Variants in MARCHF6 observed in about 807,000 individuals in gnomAD.
MARCHF6 encodes the protein E3 ubiquitin-protein ligase MARCHF6.
Under a neutral mutation model 133.7 loss-of-function variants are expected in MARCHF6, and 31 were observed. That is an observed-to-expected ratio of 0.23 (90% CI 0.17 to 0.31). MARCHF6 has a LOEUF of 0.31. MARCHF6 is among the 10% of genes least tolerant of loss of function. MARCHF6 has a pLI of 1.00. For missense variants in MARCHF6, 723 were observed against 1,121.6 expected (o/e 0.64, Z 5.08); for synonymous variants, 395 against 402.5 (o/e 0.98, Z 0.22).
intron 1 of MARCHF6, among the ~76,000 whole-genome samples, chr5:10,364,479 C>G (rs1398910181): frequency 6.6e-6 from 1 of 152,162 alleles, no homozygotes; most frequent in Admixed American, 6.5e-5. Flanking sequence ...AGATATCCCT[C>G]CAGCACCCTC....
rs116788481 is a variant in MARCHF6 at position 10,387,049 on chromosome 5, A to G, written c.390A>G (p.Pro130=). The G allele has an allele frequency of 1.2e-3, 1,990 of 1,611,932 alleles. 21 individuals are homozygous for G. The African/African-American group carries it at 0.023, about 19-fold the overall frequency. The change falls in exon 5 of 26, where the codon CCA becomes CCG. Residue 130 remains proline, a synonymous_variant. Transcript: ENST00000274140. The part of the protein sequence containing the change: ...TGSVSSLLTL[P]LDMLSTENLL... ...CCGTGAGCTCACTACTGACGCTGCCATTAGATATGCTGTCAACGTGAGTAT... is the reference window on the plus strand; with the variant it reads ...CCGTGAGCTCACTACTGACGCTGCCGTTAGATATGCTGTCAACGTGAGTAT...
intron 14 of MARCHF6, 45 bp from the exon 15 acceptor site, chr5:10,403,362 A>T (rs1448607229): frequency 1.3e-6 from 2 of 1,577,344 alleles, no homozygotes; most frequent in Non-Finnish European, 8.6e-7. Context: ...AACTTGGCAA[A>T]TGTAGGGGGC....
chr5:10,361,759 A>T (rs1047272498), intron 1 of MARCHF6, among the ~76,000 whole-genome samples: 2 of 151,824 alleles, frequency 1.3e-5, no homozygotes, highest in Admixed American at 6.6e-5. Context: ...ACTTAACTTC[A>T]TTATAATATC....
intron 25 of MARCHF6, among the ~76,000 whole-genome samples, chr5:10,431,330 GCCCT>G (rs2126373883): frequency 6.6e-6 from 1 of 152,252 alleles, no homozygotes; most frequent in South Asian, 2.1e-4. Context: ...AGCAAGACGT[GCCCT>G]CAGGGAACTT....
At chr5:10,366,004 T>C (rs1736120385) in intron 1 of MARCHF6, among the ~76,000 whole-genome samples, 1 of 151,940 alleles carries the variant, frequency 6.6e-6, no homozygotes, top group Admixed American at 6.6e-5. Context: ...GCAATTTCGG[T>C]TCACTGCAAC....
rs190043810 is a variant in MARCHF6, at chr5:10,421,397, A to C, written c.2284-2338A>C. 3.4e-3 allele frequency among the ~76,000 whole-genome samples: 521 copies of C among 152,336 alleles called. 4 individuals carry two copies. The highest frequency in any genetic ancestry group is 4.4e-3 in the Non-Finnish European group (300 of 68,020). On this transcript the variant is annotated intron_variant, in intron 22 of 25. Coordinates refer to ENST00000274140, the MANE Select transcript of MARCHF6 (RefSeq NM_005885.4). ...CCAGACGTGTTTCTGAGTTGGGGGAAAGCACAAGCTGTAGACAGATAATGT... is the reference window on the plus strand; with the variant it reads ...CCAGACGTGTTTCTGAGTTGGGGGACAGCACAAGCTGTAGACAGATAATGT...
In MARCHF6 at chr5:10,353,800, C is replaced by A; in HGVS notation, c.-99C>A. 1 of 1,098,366 alleles carries A rather than the reference C, an allele frequency of 9.1e-7. No homozygotes were observed. The highest frequency in any genetic ancestry group is 1.3e-6 in the Non-Finnish European group (1 of 756,622). 68.0% of individuals were successfully genotyped at this position (1,098,366 alleles called of 1,614,324 possible). On this transcript the variant is annotated 5_prime_UTR_variant, in exon 1 of 26. Transcript: ENST00000274140. ...TTCCTCTCTCGCACCTGAGCGTACGCACCTGCCCGGGCCCGGCTCCCTCCT... is the reference window on the plus strand; with the variant it reads ...TTCCTCTCTCGCACCTGAGCGTACGAACCTGCCCGGGCCCGGCTCCCTCCT...
chr5:10,363,999 G>A (rs1014098404), intron 1 of MARCHF6, among the ~76,000 whole-genome samples: 2 of 152,164 alleles, frequency 1.3e-5, no homozygotes, highest in East Asian at 3.8e-4. Context: ...TTCCTTTTGG[G>A]ATGATGATAA....
At position 10,402,421 on chromosome 5, in the gene MARCHF6, G is replaced by A. The variant is rs146475533; in HGVS notation, c.1091G>A (p.Arg364His). 2.7e-5 allele frequency: 44 copies of A among 1,613,876 alleles called. No homozygotes were observed. The highest frequency in any genetic ancestry group is 3.5e-5 in the Non-Finnish European group (41 of 1,179,874). Residue 364 changes from arginine (R) to histidine (H), a missense_variant, in exon 13 of 26, where the codon CGC becomes CAC. Physicochemically the swap from Arg to His is conservative, Grantham distance 29 (BLOSUM62 0). Coordinates refer to ENST00000274140, the MANE Select transcript of MARCHF6 (RefSeq NM_005885.4). ...CTTGTGAAATTTCATAGATCTCGTC[G>A]CTTACTGGGAGTCTGCTATATTGTT... Reference protein sequence around the residue: ...ATLVKFHRSRRLLGVCYIVVK... With the variant: ...ATLVKFHRSRHLLGVCYIVVK...
rs568707267 is a variant in MARCHF6 at position 10,435,669 on chromosome 5, A to G, written c.*1985A>G. 3 of 6,638 alleles carry G rather than the reference A, an allele frequency of 4.5e-4. No homozygotes were observed. Among genetic ancestry groups the G allele is most frequent in the African/African-American group, 2.3e-3 (2 of 856 alleles). 0.4% of individuals were successfully genotyped at this position (6,638 alleles called of 1,614,324 possible). ...TATATATATATATATATATATATAT[A>G]TATATATATATATATATATATATAT... On this transcript the variant is annotated 3_prime_UTR_variant, in exon 26 of 26. Transcript: ENST00000274140.
chr5:10,355,592 CATTT>C (rs780443201), intron 1 of MARCHF6, among the ~76,000 whole-genome samples: 66 of 152,316 alleles, frequency 4.3e-4, no homozygotes, highest in Non-Finnish European at 8.4e-4. Flanking sequence ...GTATACATAA[CATTT>C]ATTTATTGAA....
At chr5:10,403,933 A>C (rs1738708662) in intron 15 of MARCHF6, among the ~76,000 whole-genome samples, 1 of 152,198 alleles carries the variant, frequency 6.6e-6, no homozygotes, top group African/African-American at 2.4e-5. Flanking sequence ...ATGGTTTTGC[A>C]GGATCAGACA....
chr5:10,394,167 T>C, intron 8 of MARCHF6, 24 bp downstream of exon 8: 1 of 1,468,506 alleles, frequency 6.8e-7, no homozygotes, highest in South Asian at 1.4e-5. Context: ...CTGTCAAGTA[T>C]CCTGGTGTTT....
In MARCHF6 at chr5:10,436,274, TCTTA is replaced by T. The variant is rs1740651539; in HGVS notation, c.*2595_*2598del. 6.6e-6 allele frequency: 1 copy of T among 152,220 alleles called. No homozygotes were observed. Among genetic ancestry groups the T allele is most frequent in the African/African-American group, 2.4e-5 (1 of 41,466 alleles). The allele number at this position is 152,220 out of a possible 1,614,324, so 9.4% of individuals were successfully genotyped here. ...TTTTACTGGCAGGTAATTTATATTG[TCTTA>T]CTTAAGAATTCTCCCCTAGTTTTTC... On this transcript the variant is annotated 3_prime_UTR_variant, in exon 26 of 26. Transcript: ENST00000274140.
At position 10,390,333 on chromosome 5, in the gene MARCHF6, G is replaced by T; in HGVS notation, c.409G>T (p.Glu137Ter). Residue 137 changes from glutamate to a stop codon, truncating the protein, a stop_gained and splice_region_variant, in exon 6 of 26, where the codon GAA becomes TAA. Transcript: ENST00000274140. LOFTEE classifies it high-confidence loss of function. Reference protein sequence around the residue: ...LTLPLDMLSTENLLADCLQGC... With the variant: ...LTLPLDMLST ...TATATGTACTTTTTTTTTTAATAGG[G>T]AAAATTTGTTGGCAGATTGTTTGCA... 1.2e-6 allele frequency: 2 copies of T among 1,605,946 alleles called. No homozygotes were observed. The highest frequency in any genetic ancestry group is 3.4e-5 in the Admixed American group (2 of 58,484).
chr5:10,371,941 C>T (rs1413031415), intron 1 of MARCHF6, among the ~76,000 whole-genome samples: 1 of 151,766 alleles, frequency 6.6e-6, no homozygotes, highest in Non-Finnish European at 1.5e-5. Context: ...GAGACTAGCC[C>T]GGGCAACATA....
intron 24 of MARCHF6, 32 bp from the exon 25 acceptor site, chr5:10,429,861 A>T: frequency 6.3e-7 from 1 of 1,592,692 alleles, no homozygotes; most frequent in South Asian, 1.1e-5. Flanking sequence ...TATTTCACAT[A>T]CACTGAAAGT....
Position 10,398,633 on chromosome 5 carries a change from CT to C in MARCHF6, c.913+1290del, listed in dbSNP as rs1287059453. On this transcript the variant is annotated intron_variant, in intron 10 of 25. Coordinates refer to ENST00000274140, the MANE Select transcript of MARCHF6 (RefSeq NM_005885.4). ...AATGATCTATAGATTTAAGTCTTTA[CT>C]CTTGCAGAAAAGCTTAATGCTAAAT... 1.1e-4 allele frequency among the ~76,000 whole-genome samples: 17 copies of C among 151,382 alleles called. No homozygotes were observed. The East Asian group carries it at 1.7e-3, about 16-fold the overall frequency.
At position 10,426,510 on chromosome 5, in the gene MARCHF6, G is replaced by A. The variant is rs768117450; in HGVS notation, c.2494G>A (p.Val832Ile). 5.0e-6 allele frequency: 8 copies of A among 1,613,962 alleles called. No individual in the cohort carries two copies. In the Middle Eastern group the frequency reaches 9.9e-4, roughly 200 times the overall value. The change falls in exon 24 of 26, where the codon GTT becomes ATT. Residue 832 changes from valine (V) to isoleucine (I), a missense_variant. By Grantham distance (29) the Val-to-Ile change is conservative. Coordinates refer to ENST00000274140, the MANE Select transcript of MARCHF6 (RefSeq NM_005885.4). Reference sequence around the variant, plus strand: ...ACCTTATGTCATAGCTTCTGGTGTTGTTCCTTTACTAGGTACGTAATGCTG... The same window carrying A: ...ACCTTATGTCATAGCTTCTGGTGTTATTCCTTTACTAGGTACGTAATGCTG... The part of the protein sequence containing the change: ...CVPYVIASGV[V>I]PLLGVTAEMQ...
Sources: gnomAD v4.1 joint callset for allele counts (sites outside exome capture counted in the v4.1 genomes callset) on GRCh38, gnomAD v4.1.1 for gene constraint, MANE v1.5 for transcripts, NCBI Gene and HGNC (gene_info 2026-07-23, HGNC 2026-07-21) for gene names.